DLG2: variants seen among roughly 807,000 people sequenced by gnomAD.
The protein encoded by DLG2 is discs large MAGUK scaffold protein 2, also known as disks large homolog 2.
DLG2 carries 45 observed loss-of-function variants against 132.5 expected under a neutral mutation model. The ratio of observed to expected loss-of-function variants is 0.34; its 90% CI spans 0.27 to 0.44. The LOEUF is 0.44. Ranked by LOEUF, DLG2 falls within the 20% of genes least tolerant of loss-of-function variation. The pLI, the probability that DLG2 is intolerant of heterozygous loss-of-function variation, is 1.00. For missense variants in DLG2, 1,045 were observed against 1,196.9 expected (o/e 0.87, Z 1.87); for synonymous variants, 424 against 419.6 (o/e 1.01, Z -0.13).
At chr11:84,672,825 A>T (rs1378475160) in intron 6 of DLG2, among the ~76,000 whole-genome samples, 1 of 152,114 alleles carries the variant, frequency 6.6e-6, no homozygotes, top group East Asian at 1.9e-4. Flanking sequence ...GGTAATTTAT[A>T]AACAAAAAAA....
chr11:84,859,146 T>C (rs2083207883), intron 6 of DLG2, among the ~76,000 whole-genome samples: 1 of 151,700 alleles, frequency 6.6e-6, no homozygotes. Context: ...ACCTAGTAGG[T>C]AATAAATAAA....
chr11:85,015,480 TTC>T (rs1278549777), intron 6 of DLG2, among the ~76,000 whole-genome samples: 2 of 151,816 alleles, frequency 1.3e-5, no homozygotes, highest in African/African-American at 4.8e-5. Flanking sequence ...TGTGACAAGT[TTC>T]TGTTTTTAAA....
At chr11:84,402,881 C>CAAAAAAAAAAAGAAAAA (rs2098835119) in intron 7 of DLG2, among the ~76,000 whole-genome samples, 1 of 73,914 alleles carries the variant, frequency 1.4e-5, no homozygotes, top group Non-Finnish European at 2.4e-5. Context: ...AACTCCGTCT[C>CAAAAAAAAAAAGAAAAA]AAAAAAAAAA....
intron 8 of DLG2, among the ~76,000 whole-genome samples, chr11:84,201,014 G>A (rs974209448): frequency 3.9e-5 from 6 of 152,108 alleles, no homozygotes; most frequent in Non-Finnish European, 8.8e-5. Context: ...GGGCATCCTT[G>A]TCTTGTGCCT....
At chr11:83,992,462 A>C (rs1296807548) in intron 11 of DLG2, among the ~76,000 whole-genome samples, 1 of 152,150 alleles carries the variant, frequency 6.6e-6, no homozygotes, top group Non-Finnish European at 1.5e-5. Flanking sequence ...CAATGAACCA[A>C]GAAAATAAGG....
At chr11:84,351,196 ATT>A (rs1025820560) in intron 7 of DLG2, among the ~76,000 whole-genome samples, 9 of 152,010 alleles carry the variant, frequency 5.9e-5, no homozygotes, top group African/African-American at 1.9e-4. Flanking sequence ...TTCTTTTTTC[ATT>A]TGATTCCAAA....
At chr11:84,684,435 T>C (rs766416930) in intron 6 of DLG2, among the ~76,000 whole-genome samples, 1 of 152,192 alleles carries the variant, frequency 6.6e-6, no homozygotes, top group South Asian at 2.1e-4. Flanking sequence ...CATTCACTAA[T>C]ACACAGGGTG....
intron 6 of DLG2, among the ~76,000 whole-genome samples, chr11:84,752,277 G>A (rs1314601390): frequency 6.6e-6 from 1 of 152,016 alleles, no homozygotes; most frequent in African/African-American, 2.4e-5. Flanking sequence ...CTAGGTGCTG[G>A]GAATATAGTG....
Position 84,952,485 on chromosome 11 carries a change from C to T in DLG2, c.357+159176G>A, listed in dbSNP as rs1038973799. The stretch of plus-strand genomic sequence containing the variant: ...TGAGCGGAGATCGCGCCACAGCACT[C>T]CCGCCTGGGCGACAGAACGAGACTC... On this transcript the variant is annotated intron_variant, in intron 6 of 27. Transcript: ENST00000376104. 1.3e-5 allele frequency among the ~76,000 whole-genome samples: 2 copies of T among 152,126 alleles called. 1 individual carries two copies. Among genetic ancestry groups the T allele is most frequent in the South Asian group, 4.1e-4 (2 of 4,824 alleles).
chr11:84,186,275 A>T (rs1332006324), intron 8 of DLG2, among the ~76,000 whole-genome samples: 1 of 151,888 alleles, frequency 6.6e-6, no homozygotes, highest in Non-Finnish European at 1.5e-5. Context: ...TTCCTTTGTT[A>T]TTTCTCTGTA....
intron 18 of DLG2, among the ~76,000 whole-genome samples, chr11:83,743,804 G>A (rs549736803): frequency 4.6e-5 from 7 of 152,202 alleles, no homozygotes; most frequent in African/African-American, 1.7e-4. Flanking sequence ...AAAATAGCAT[G>A]CACCTCAGAG....
chr11:83,800,267 T>A (rs535560291), intron 17 of DLG2, among the ~76,000 whole-genome samples: 2 of 152,280 alleles, frequency 1.3e-5, no homozygotes, highest in African/African-American at 4.8e-5. Context: ...AGTTTCTTTA[T>A]CTAGAAAGAG....
intron 3 of DLG2, among the ~76,000 whole-genome samples, chr11:85,502,779 G>A (rs942864918): frequency 1.2e-4 from 19 of 152,028 alleles, no homozygotes; most frequent in Admixed American, 3.9e-4. Context: ...TAACAAACCC[G>A]CACATTCTGC....
At chr11:84,721,272 TG>T (rs2061807720) in intron 6 of DLG2, among the ~76,000 whole-genome samples, 1 of 152,176 alleles carries the variant, frequency 6.6e-6, no homozygotes, top group Non-Finnish European at 1.5e-5. Flanking sequence ...ATGATTTCGC[TG>T]GTGCCCTACG....
intron 6 of DLG2, chr11:84,887,425 G>A (rs2088526796): frequency 6.6e-6 from 1 of 152,090 alleles, no homozygotes. Flanking sequence ...TCTGGTTATA[G>A]TCAGAGTGAA....
chr11:85,427,591 C>A (rs1042612398), intron 3 of DLG2, among the ~76,000 whole-genome samples: 23 of 152,192 alleles, frequency 1.5e-4, no homozygotes, highest in Admixed American at 5.2e-4. Context: ...GATTTTGTCA[C>A]CACCAGCCCT....
At chr11:83,488,718 C>T (rs1001768729) in intron 21 of DLG2, among the ~76,000 whole-genome samples, 2 of 152,108 alleles carry the variant, frequency 1.3e-5, no homozygotes, top group Middle Eastern at 3.4e-3. Flanking sequence ...AGCTCAGATA[C>T]GTCTTTTCTG....
At chr11:83,884,464 A>C (rs2067223583) in intron 15 of DLG2, among the ~76,000 whole-genome samples, 1 of 152,210 alleles carries the variant, frequency 6.6e-6, no homozygotes, top group Admixed American at 6.5e-5. Context: ...GGTAGAGCCC[A>C]CCACAGCTCA....
chr11:83,807,360 C>G (rs754164568), intron 17 of DLG2, among the ~76,000 whole-genome samples: 4 of 152,208 alleles, frequency 2.6e-5, no homozygotes, highest in Non-Finnish European at 4.4e-5. Context: ...AACCAATTCT[C>G]TCTTTCCAGC....
Sources: allele counts gnomAD v4.1 joint callset (sites outside exome capture counted in the v4.1 genomes callset), GRCh38; gene constraint gnomAD v4.1.1; transcripts MANE v1.5; gene names NCBI Gene and HGNC (gene_info 2026-07-23, HGNC 2026-07-21).